The following DIMT1 variants were observed in gnomAD, a reference collection of about 807,000 sequenced individuals.
DIMT1 encodes the protein DIM1 rRNA methyltransferase and ribosome maturation factor.
DIMT1 carries 36 observed loss-of-function variants against 43.2 expected under a neutral mutation model. The ratio of observed to expected loss-of-function variants is 0.83; its 90% CI spans 0.64 to 1.10. DIMT1 has a LOEUF of 1.10. Ranked by LOEUF, DIMT1 falls within the 50% of genes least tolerant of loss-of-function variation. The pLI is 0.00. For synonymous variants in DIMT1, 126 were observed against 130.3 expected (o/e 0.97, Z 0.22); for missense variants, 341 against 385.3 (o/e 0.88, Z 0.96).
chr5:62,393,703 A>G (rs1188318223), intron 8 of DIMT1, among the ~76,000 whole-genome samples: 3 of 152,012 alleles, frequency 2.0e-5, no homozygotes, highest in African/African-American at 7.2e-5. Context: ...CTTTAAAACA[A>G]CTATTTTCAT....
At position 62,394,012 on chromosome 5, in the gene DIMT1, C is replaced by T. The variant is rs1306944796; in HGVS notation, c.606G>A (p.Val202=). Reference sequence around the variant, plus strand: ...GTTCTATCCTTACAACACTGGATTCCACCTTGGGCGGTGGTCTGAAGTTAT... The same window carrying T: ...GTTCTATCCTTACAACACTGGATTCTACCTTGGGCGGTGGTCTGAAGTTAT... The part of the protein sequence containing the change: ...GKNNFRPPPK[V]ESSVVRIEPK... Residue 202 remains valine, a synonymous_variant, in exon 8 of 12, where the codon GTG becomes GTA. Coordinates refer to ENST00000199320, the MANE Select transcript of DIMT1 (RefSeq NM_014473.4). The T allele has an allele frequency of 6.2e-7, 1 of 1,611,946 alleles. No homozygotes were observed. Among genetic ancestry groups the T allele is most frequent in the Non-Finnish European group, 8.5e-7 (1 of 1,179,458 alleles).
rs1411200515 is a variant in DIMT1 at position 62,402,137 on chromosome 5, A to G, written c.154-15T>C. 2 of 1,613,500 alleles carry G rather than the reference A, an allele frequency of 1.2e-6. No individual in the cohort carries two copies. The highest frequency in any genetic ancestry group is 1.7e-6 in the Non-Finnish European group (2 of 1,179,570). ...CTTAAGGCAGCCTAAAAGCAAGCAC[A>G]AACACTTTAGCTCTTCTGGCAACAT... On this transcript the variant is annotated splice_polypyrimidine_tract_variant and intron_variant, in intron 2 of 11. Coordinates refer to ENST00000199320, the MANE Select transcript of DIMT1 (RefSeq NM_014473.4).
At chr5:62,396,139 G>GGTTTTTTTTTTTTTTTTT (rs1554044632) in intron 6 of DIMT1, among the ~76,000 whole-genome samples, 1 of 116,744 alleles carries the variant, frequency 8.6e-6, no homozygotes, top group African/African-American at 3.6e-5. Context: ...GTCACTGCAG[G>GGTTTTTTTTTTTTTTTTT]TTTTTTTTTT....
chr5:62,398,328 TC>T, intron 6 of DIMT1, 182 bp downstream of exon 6: 1 of 608,994 alleles, frequency 1.6e-6, no homozygotes, highest in Non-Finnish European at 2.9e-6. Flanking sequence ...AAGCAGGACT[TC>T]CAGCACACTA....
At chr5:62,403,404 A>C (rs27693) in intron 1 of DIMT1, 58 bp from the exon 2 acceptor site, 629,478 of 1,524,300 alleles carry the variant, frequency 0.41, 132,640 homozygotes, top group East Asian at 0.59. Flanking sequence ...ATTAGGCAGT[A>C]CCAGAGAAGA....
intron 6 of DIMT1, among the ~76,000 whole-genome samples, chr5:62,397,974 TC>T (rs1294561885): frequency 6.6e-6 from 1 of 152,194 alleles, no homozygotes; most frequent in Non-Finnish European, 1.5e-5. Flanking sequence ...TCACCATTCT[TC>T]CAACCAGGTT....
chr5:62,396,777 A>T (rs1742513153), intron 6 of DIMT1, among the ~76,000 whole-genome samples: 1 of 152,178 alleles, frequency 6.6e-6, no homozygotes, highest in African/African-American at 2.4e-5. Flanking sequence ...TTCAAAAAAA[A>T]ACTGTTGCTA....
rs184597426 is a variant in DIMT1 at position 62,389,506 on chromosome 5, T to G, written c.900-454A>C. On this transcript the variant is annotated intron_variant, in intron 11 of 11. Coordinates refer to ENST00000199320, the MANE Select transcript of DIMT1 (RefSeq NM_014473.4). ...GTCTCAAAAAAAAAAAAAAAAGAAA[T>G]GTTATTGTCTGACTAAATTTATAAG... Among the ~76,000 whole-genome samples the G allele has an allele frequency of 9.2e-3, 850 of 92,322 alleles. 18 individuals are homozygous for G. The highest frequency in any genetic ancestry group is 0.035 in the African/African-American group (745 of 21,186). The allele number at this position is 92,322 out of a possible 152,430, so 60.6% of individuals were successfully genotyped here.
chr5:62,396,139 G>GTTTTTTTTTTTTTTTTTTTT lies in DIMT1; in HGVS notation c.447-1533_447-1532insAAAAAAAAAAAAAAAAAAAA, dbSNP rs758847833. Among the ~76,000 whole-genome samples the GTTTTTTTTTTTTTTTTTTTT allele has an allele frequency of 2.4e-3, 276 of 116,684 alleles. 24 individuals are homozygous for GTTTTTTTTTTTTTTTTTTTT. Among genetic ancestry groups the GTTTTTTTTTTTTTTTTTTTT allele is most frequent in the East Asian group, 4.2e-3 (15 of 3,558 alleles). The allele number at this position is 116,684 out of a possible 152,430, so 76.5% of individuals were successfully genotyped here. On this transcript the variant is annotated intron_variant, in intron 6 of 11. Coordinates refer to ENST00000199320, the MANE Select transcript of DIMT1 (RefSeq NM_014473.4). ...GGGGAATTTAGCCATGTCACTGCAG[G>GTTTTTTTTTTTTTTTTTTTT]TTTTTTTTTTTTACATTATTAACTG... is the stretch of plus-strand genomic sequence containing the variant.
rs1046016344 is a variant in DIMT1 at position 62,403,572 on chromosome 5, C to T, written c.79+122G>A. On this transcript the variant is annotated intron_variant, in intron 1 of 11. Coordinates refer to ENST00000199320, the MANE Select transcript of DIMT1 (RefSeq NM_014473.4). ...CGAGTCGGGGACCCACCCCTGCCTT[C>T]CGCGCTCACGGGAGCGCGTCCTGAC... 5.7e-6 allele frequency: 7 copies of T among 1,233,308 alleles called. No homozygotes were observed. In the African/African-American group the frequency reaches 9.1e-5, roughly 16 times the overall value. 76.4% of individuals were successfully genotyped at this position (1,233,308 alleles called of 1,614,324 possible).
chr5:62,402,041 T>G lies in DIMT1; in HGVS notation c.235A>C (p.Lys79Gln), dbSNP rs1742726821. 1 of 1,613,574 alleles carries G rather than the reference T, an allele frequency of 6.2e-7. No individual in the cohort carries two copies. The highest frequency in any genetic ancestry group is 8.5e-7 in the Non-Finnish European group (1 of 1,179,842). ...ACATTAAATCCCCTTTCTACCTTTT[T>G]TGCCTTTTCTAACAACTTTACAGTC... The part of the protein sequence containing the change: ...NMTVKLLEKA[K>Q]KVVACELDPR... Residue 79 changes from lysine (K) to glutamine (Q), a missense_variant, in exon 3 of 12, where the codon AAA becomes CAA. Lys to Gln is a moderately conservative substitution (Grantham distance 53). Transcript: ENST00000199320.
At chr5:62,396,583 G>A (rs1007786331) in intron 6 of DIMT1, among the ~76,000 whole-genome samples, 1 of 152,046 alleles carries the variant, frequency 6.6e-6, no homozygotes, top group Non-Finnish European at 1.5e-5. Context: ...TGAAACTCTC[G>A]AAAAATTGCC....
At chr5:62,403,586 G>C in intron 1 of DIMT1, 108 bp downstream of exon 1, 1 of 1,342,212 alleles carries the variant, frequency 7.5e-7, no homozygotes, top group East Asian at 2.5e-5. Flanking sequence ...GCTCACGGGA[G>C]CGCGTCCTGA....
chr5:62,391,960 A>C, intron 10 of DIMT1: 1 of 1,537,574 alleles, frequency 6.5e-7, no homozygotes, highest in East Asian at 2.4e-5. Flanking sequence ...GGGTGGAGTA[A>C]TCAAAGTTGC....
At position 62,392,251 on chromosome 5, in the gene DIMT1, T is replaced by G. The variant is rs774866777; in HGVS notation, c.729-17A>C. The G allele has an allele frequency of 1.2e-6, 2 of 1,605,250 alleles. No individual in the cohort carries two copies. Among genetic ancestry groups the G allele is most frequent in the Admixed American group, 1.7e-5 (1 of 58,480 alleles). On this transcript the variant is annotated splice_polypyrimidine_tract_variant and intron_variant, in intron 9 of 11. Transcript: ENST00000199320. ...GCACTTGATCTATAGCATAAAGAAG[T>G]GATGCCACTGTTATTATTCCAAAGT...
intron 11 of DIMT1, 104 bp downstream of exon 11, chr5:62,390,772 C>T (rs1295855748): frequency 1.4e-5 from 13 of 907,892 alleles, no homozygotes; most frequent in Non-Finnish European, 2.4e-5. Flanking sequence ...TGCAATAACT[C>T]TCCCAGGTAG....
chr5:62,403,437 A>T (rs1272047968), intron 1 of DIMT1, 91 bp from the exon 2 acceptor site: 6 of 1,281,070 alleles, frequency 4.7e-6, no homozygotes, highest in Non-Finnish European at 6.8e-6. Flanking sequence ...TATGGGGAAG[A>T]TTTCTGCGCC....
At chr5:62,397,130 A>G (rs989004780) in intron 6 of DIMT1, among the ~76,000 whole-genome samples, 1 of 151,892 alleles carries the variant, frequency 6.6e-6, no homozygotes. Context: ...TTTTATTTTT[A>G]GTAGAGATGG....
Position 62,402,037 on chromosome 5 carries a change from T to A in DIMT1, c.239A>T (p.Lys80Met). The A allele has an allele frequency of 6.2e-7, 1 of 1,611,732 alleles. No individual in the cohort carries two copies. ...MTVKLLEKAK[K>M]VVACELDPRL... ...CCAAACATTAAATCCCCTTTCTACC[T>A]TTTTTGCCTTTTCTAACAACTTTAC... The change falls in exon 3 of 12, where the codon AAG becomes ATG. Residue 80 changes from lysine (K) to methionine (M), a missense_variant and splice_region_variant. Coordinates refer to ENST00000199320, the MANE Select transcript of DIMT1 (RefSeq NM_014473.4).
Sources: gnomAD v4.1 joint callset for allele counts (sites outside exome capture counted in the v4.1 genomes callset) on GRCh38, gnomAD v4.1.1 for gene constraint, MANE v1.5 for transcripts, NCBI Gene and HGNC (gene_info 2026-07-23, HGNC 2026-07-21) for gene names.